The following IMMP2L variants were observed in gnomAD, a reference collection of about 807,000 sequenced individuals.
The protein encoded by IMMP2L is mitochondrial inner membrane protease subunit 2.
A neutral mutation model predicts 19.3 loss-of-function variants in IMMP2L; 18 were observed. The observed-to-expected ratio is 0.93, with a 90% CI of 0.64 to 1.38. IMMP2L has a LOEUF of 1.38. Ranked by LOEUF, IMMP2L falls within the 40% of genes most tolerant of loss-of-function variation. The pLI is 0.00. For synonymous variants in IMMP2L, 76 were observed against 73.0 expected, an observed-to-expected ratio of 1.04 and a Z score of -0.21; for missense variants, 233 against 218.2, an observed-to-expected ratio of 1.07 and a Z score of -0.43.
At chr7:111,528,062 A>G (rs919350903) in intron 1 of IMMP2L, among the ~76,000 whole-genome samples, 1 of 152,206 alleles carries the variant, frequency 6.6e-6, no homozygotes, top group African/African-American at 2.4e-5. Flanking sequence ...TAAAGAAGCC[A>G]TTCATACATG....
At position 111,151,831 on chromosome 7, in the gene IMMP2L, G is replaced by A. The variant is rs547216433; in HGVS notation, c.240-188266C>T. On this transcript the variant is annotated intron_variant, in intron 3 of 5. Transcript: ENST00000405709. ...CATGCCTGTAATCCCAGCTACTCAGGAGGCTGAGGCACAAGAATCGTTTGA... is the reference window on the plus strand; with the variant it reads ...CATGCCTGTAATCCCAGCTACTCAGAAGGCTGAGGCACAAGAATCGTTTGA... 2.6e-5 allele frequency among the ~76,000 whole-genome samples: 4 copies of A among 152,242 alleles called. No individual in the cohort carries two copies. The South Asian group carries it at 8.3e-4, about 32-fold the overall frequency.
intron 3 of IMMP2L, among the ~76,000 whole-genome samples, chr7:111,176,265 G>A (rs1456832823): frequency 6.6e-6 from 1 of 151,868 alleles, no homozygotes; most frequent in African/African-American, 2.4e-5. Flanking sequence ...CCCACACAAG[G>A]TATACACCCA....
intron 3 of IMMP2L, among the ~76,000 whole-genome samples, chr7:111,320,366 T>C (rs1423589369): frequency 1.3e-5 from 2 of 151,478 alleles, no homozygotes; most frequent in African/African-American, 2.5e-5. Context: ...ATGCAACTAT[T>C]CATTTCTCTC....
intron 3 of IMMP2L, among the ~76,000 whole-genome samples, chr7:111,173,597 G>A (rs918126958): frequency 1.3e-5 from 2 of 151,608 alleles, no homozygotes; most frequent in Non-Finnish European, 3.0e-5. Flanking sequence ...CTCAAGTTTG[G>A]TAAACAGTTA....
chr7:110,985,094 T>C (rs1319989208), intron 3 of IMMP2L, among the ~76,000 whole-genome samples: 1 of 151,980 alleles, frequency 6.6e-6, no homozygotes, highest in Non-Finnish European at 1.5e-5. Flanking sequence ...GACCATGAAC[T>C]ACAAAAAGCA....
At chr7:110,775,496 C>T (rs528918894) in intron 5 of IMMP2L, among the ~76,000 whole-genome samples, 2 of 151,934 alleles carry the variant, frequency 1.3e-5, no homozygotes, top group South Asian at 2.1e-4. Flanking sequence ...TAGAGAAAAC[C>T]ATGACTAGAG....
At position 111,085,461 on chromosome 7, in the gene IMMP2L, G is replaced by A. The variant is rs549310675; in HGVS notation, c.240-121896C>T. ...GTTAACTAAATTTTTGTGGGTTTGC[G>A]TCCCATTAATCTAGTAAGGACTCAG... On this transcript the variant is annotated intron_variant, in intron 3 of 5. Transcript: ENST00000405709. Among the ~76,000 whole-genome samples the A allele has an allele frequency of 1.1e-4, 17 of 152,158 alleles. No homozygotes were observed. In the South Asian group the frequency reaches 2.1e-3, roughly 19 times the overall value.
At chr7:110,954,025 C>T (rs1053923415) in intron 4 of IMMP2L, among the ~76,000 whole-genome samples, 4 of 151,830 alleles carry the variant, frequency 2.6e-5, no homozygotes, top group Non-Finnish European at 5.9e-5. Context: ...TTTGCCTAAT[C>T]TTTTCAGTGT....
rs1375052837 is a variant in IMMP2L, at chr7:110,662,692, T to C, written c.*910A>G. Among the ~76,000 whole-genome samples the C allele has an allele frequency of 6.6e-6, 1 of 152,236 alleles. No homozygotes were observed. The highest frequency in any genetic ancestry group is 1.5e-5 in the Non-Finnish European group (1 of 68,046). ...TTATCCATACAAATTACAGACTCTA[T>C]GATTCTACTGTAACTTTGCAATTGG... On this transcript the variant is annotated 3_prime_UTR_variant, in exon 6 of 6. Coordinates refer to ENST00000405709, the MANE Select transcript of IMMP2L (RefSeq NM_032549.4).
chr7:110,714,573 C>T (rs1197684153), intron 5 of IMMP2L, among the ~76,000 whole-genome samples: 1 of 152,038 alleles, frequency 6.6e-6, no homozygotes, highest in African/African-American at 2.4e-5. Flanking sequence ...GTGAGTCCAT[C>T]TGGTACAGAG....
At chr7:110,976,264 A>T (rs1820686466) in intron 3 of IMMP2L, among the ~76,000 whole-genome samples, 1 of 152,048 alleles carries the variant, frequency 6.6e-6, no homozygotes, top group African/African-American at 2.4e-5. Flanking sequence ...ATAAAAAAAC[A>T]AGTATTTGAT....
At chr7:111,251,264 T>G (rs761618184) in intron 3 of IMMP2L, among the ~76,000 whole-genome samples, 5 of 152,082 alleles carry the variant, frequency 3.3e-5, no homozygotes, top group Non-Finnish European at 7.4e-5. Context: ...GATGGCCAGA[T>G]TGCAGAGAAA....
intron 3 of IMMP2L, among the ~76,000 whole-genome samples, chr7:111,187,734 C>G (rs760170105): frequency 6.6e-6 from 1 of 152,122 alleles, no homozygotes; most frequent in Non-Finnish European, 1.5e-5. Flanking sequence ...ACCAACTCAA[C>G]TAATTCTCTA....
chr7:111,442,210 G>A (rs1343897877), intron 3 of IMMP2L, among the ~76,000 whole-genome samples: 4 of 151,778 alleles, frequency 2.6e-5, no homozygotes, highest in Admixed American at 1.3e-4. Context: ...ACAGTTAAGC[G>A]TTCACTGCAA....
chr7:111,237,520 A>C (rs1814478188), intron 3 of IMMP2L, among the ~76,000 whole-genome samples: 1 of 152,058 alleles, frequency 6.6e-6, no homozygotes. Flanking sequence ...TACCTTGTTA[A>C]TATTAATGGT....
intron 3 of IMMP2L, among the ~76,000 whole-genome samples, chr7:111,403,888 T>C (rs1426990540): frequency 6.6e-6 from 1 of 152,130 alleles, no homozygotes; most frequent in African/African-American, 2.4e-5. Flanking sequence ...GGGGCAAAAT[T>C]AGCCATGCCA....
intron 3 of IMMP2L, among the ~76,000 whole-genome samples, chr7:111,015,325 T>C (rs1825389553): frequency 2.0e-5 from 3 of 152,178 alleles, no homozygotes; most frequent in South Asian, 2.1e-4. Flanking sequence ...TACTGTATGA[T>C]TCCATTTAAA....
At chr7:111,144,659 G>A (rs1278231139) in intron 3 of IMMP2L, among the ~76,000 whole-genome samples, 3 of 151,968 alleles carry the variant, frequency 2.0e-5, no homozygotes, top group Non-Finnish European at 2.9e-5. Context: ...CTAGGAGACT[G>A]GCCATATAAA....
At chr7:111,442,500 T>C (rs1837845669) in intron 3 of IMMP2L, among the ~76,000 whole-genome samples, 1 of 151,724 alleles carries the variant, frequency 6.6e-6, no homozygotes, top group African/African-American at 2.4e-5. Flanking sequence ...TAAACTTTCA[T>C]CAATGCCAGA....
Sources: gnomAD v4.1 joint callset for allele counts (sites outside exome capture counted in the v4.1 genomes callset) on GRCh38, gnomAD v4.1.1 for gene constraint, MANE v1.5 for transcripts, NCBI Gene and HGNC (gene_info 2026-07-23, HGNC 2026-07-21) for gene names.